STXBP4: variants seen among roughly 807,000 people sequenced by gnomAD.
STXBP4 encodes syntaxin binding protein 4.
In STXBP4, 55 loss-of-function variants were observed where a neutral mutation model predicts 76.1. The ratio of observed to expected loss-of-function variants is 0.72; its 90% CI spans 0.58 to 0.91. The LOEUF is 0.91. Ranked by LOEUF, STXBP4 falls within the 40% of genes least tolerant of loss-of-function variation. The pLI is 0.00. For synonymous variants in STXBP4, 201 were observed against 220.2 expected (o/e 0.91, Z 0.77); for missense variants, 618 against 636.9 (o/e 0.97, Z 0.32).
chr17:55,053,459 C>T (rs149655826), intron 12 of STXBP4, among the ~76,000 whole-genome samples: 1 of 152,084 alleles, frequency 6.6e-6, no homozygotes, highest in African/African-American at 2.4e-5. Context: ...AAATCTCAGC[C>T]ACAACCACTT....
At chr17:55,010,270 A>G (rs1244385869) in intron 8 of STXBP4, among the ~76,000 whole-genome samples, 1 of 151,982 alleles carries the variant, frequency 6.6e-6, no homozygotes, top group Non-Finnish European at 1.5e-5. Context: ...ATATACACAC[A>G]TACAAACATA....
At chr17:55,190,880 G>A in the STXBP4 span, among the ~76,000 whole-genome samples, 2 of 152,186 alleles carry the variant, frequency 1.3e-5, no homozygotes, top group African/African-American at 4.8e-5. Flanking sequence ...CACTTCATCT[G>A]CTGACTTGCT....
chr17:55,154,433 A>G (rs2080254561), intron 17 of STXBP4, among the ~76,000 whole-genome samples: 1 of 152,218 alleles, frequency 6.6e-6, no homozygotes, highest in Non-Finnish European at 1.5e-5. Context: ...ATGAAAAAGT[A>G]CAAATATACC....
At chr17:55,204,831 CACACACACACACAA>C in the STXBP4 span, among the ~76,000 whole-genome samples, 24,810 of 109,174 alleles carry the variant, frequency 0.23, 2,152 homozygotes, top group South Asian at 0.33. Context: ...CACACACACA[CACACACACACACAA>C]ACACACATAC....
At chr17:55,108,531 C>T (rs572586002) in intron 16 of STXBP4, among the ~76,000 whole-genome samples, 59 of 152,300 alleles carry the variant, frequency 3.9e-4, no homozygotes, top group African/African-American at 1.3e-3. Flanking sequence ...CCTGGACCCT[C>T]GTGATGTAGG....
At chr17:55,027,032 G>A (rs1439264140) in intron 8 of STXBP4, among the ~76,000 whole-genome samples, 2 of 152,188 alleles carry the variant, frequency 1.3e-5, no homozygotes, top group African/African-American at 4.8e-5. Flanking sequence ...AATACCGCAA[G>A]TGAGAGACCT....
chr17:54,969,026 C>G (rs1028432976), intron 1 of STXBP4, among the ~76,000 whole-genome samples: 2 of 152,168 alleles, frequency 1.3e-5, no homozygotes, highest in African/African-American at 4.8e-5. Flanking sequence ...TCCTGGGGTC[C>G]CTTGGCCGCT....
intron 8 of STXBP4, among the ~76,000 whole-genome samples, chr17:55,010,773 A>C (rs1472070106): frequency 6.6e-6 from 1 of 152,214 alleles, no homozygotes; most frequent in Non-Finnish European, 1.5e-5. Flanking sequence ...ATTATAGTTA[A>C]TGAAATATTC....
At chr17:55,057,799 C>T (rs2078947764) in intron 12 of STXBP4, among the ~76,000 whole-genome samples, 1 of 152,104 alleles carries the variant, frequency 6.6e-6, no homozygotes, top group South Asian at 2.1e-4. Context: ...TGAGAATATG[C>T]AGTATTTGGT....
At chr17:55,094,816 G>A (rs537519482) in intron 16 of STXBP4, among the ~76,000 whole-genome samples, 1 of 152,248 alleles carries the variant, frequency 6.6e-6, no homozygotes, top group East Asian at 1.9e-4. Context: ...TACACAGGAA[G>A]CAAACATAGA....
chr17:54,993,891 C>A (rs950966292), intron 4 of STXBP4, among the ~76,000 whole-genome samples: 4 of 152,084 alleles, frequency 2.6e-5, no homozygotes, highest in Non-Finnish European at 4.4e-5. Flanking sequence ...TCAAATCTTC[C>A]AAACTGTAAG....
intron 17 of STXBP4, among the ~76,000 whole-genome samples, chr17:55,147,209 A>G (rs2080166676): frequency 6.6e-6 from 1 of 152,258 alleles, no homozygotes; most frequent in Admixed American, 6.5e-5. Flanking sequence ...TTTGTAGAAG[A>G]TAATTTTTTC....
intron 8 of STXBP4, among the ~76,000 whole-genome samples, chr17:55,024,532 G>A (rs1447706341): frequency 6.6e-6 from 1 of 152,200 alleles, no homozygotes; most frequent in Admixed American, 6.5e-5. Flanking sequence ...AGAGAAACCA[G>A]CTGACTCACA....
At chr17:55,025,022 T>TC (rs2078386791) in intron 8 of STXBP4, among the ~76,000 whole-genome samples, 1 of 151,894 alleles carries the variant, frequency 6.6e-6, no homozygotes, top group East Asian at 1.9e-4. Context: ...GTGCCTGTAG[T>TC]CCCAGCTACT....
chr17:55,007,466 A>G (rs763259557), intron 7 of STXBP4, 40 bp from the exon 8 acceptor site: 1 of 1,470,692 alleles, frequency 6.8e-7, no homozygotes, highest in Non-Finnish European at 9.5e-7. Context: ...TTTCGATTCC[A>G]ATTAAGTTCC....
the STXBP4 span, among the ~76,000 whole-genome samples, chr17:55,212,954 G>A: frequency 6.6e-6 from 1 of 152,146 alleles, no homozygotes; most frequent in Admixed American, 6.5e-5. Flanking sequence ...CTAAGGAAGA[G>A]TGTAGGATGC....
chr17:55,053,448 A>T (rs994752934), intron 12 of STXBP4, among the ~76,000 whole-genome samples: 1 of 152,154 alleles, frequency 6.6e-6, no homozygotes, highest in Non-Finnish European at 1.5e-5. Flanking sequence ...GAGAACATGC[A>T]AAATCTCAGC....
chr17:55,102,782 G>T (rs1385979576), intron 16 of STXBP4, among the ~76,000 whole-genome samples: 1 of 152,144 alleles, frequency 6.6e-6, no homozygotes, highest in Non-Finnish European at 1.5e-5. Flanking sequence ...ATCCTCTCCA[G>T]CATCTGTTGT....
chr17:54,976,442 G>T (rs1485584517), intron 1 of STXBP4, among the ~76,000 whole-genome samples: 1 of 152,080 alleles, frequency 6.6e-6, no homozygotes, highest in Non-Finnish European at 1.5e-5. Context: ...ACTTTCTCAG[G>T]AAACCAACCA....
Sources: gnomAD v4.1 joint callset for allele counts (sites outside exome capture counted in the v4.1 genomes callset) on GRCh38, gnomAD v4.1.1 for gene constraint, MANE v1.5 for transcripts, NCBI Gene and HGNC (gene_info 2026-07-23, HGNC 2026-07-21) for gene names.